SCUBE1: variants seen among roughly 807,000 people sequenced by gnomAD.
SCUBE1 encodes the protein signal peptide, CUB and EGF-like domain-containing protein 1.
Under a neutral mutation model 124.4 loss-of-function variants are expected in SCUBE1, and 59 were observed. The observed-to-expected ratio is 0.47, with a 90% confidence interval of 0.38 to 0.59. The LOEUF (loss-of-function observed/expected upper bound fraction) is 0.59. Among genes scored for constraint, SCUBE1 ranks in the 20% least tolerant of loss-of-function variants. The pLI, the probability that SCUBE1 is intolerant of heterozygous loss-of-function variation, is 0.00. For synonymous variants in SCUBE1, 545 were observed against 550.9 expected, an observed-to-expected ratio of 0.99 and a Z score of 0.15; for missense variants, 1,150 against 1,371.2, an observed-to-expected ratio of 0.84 and a Z score of 2.55.
Position 43,208,143 on chromosome 22 carries a change from A to G in SCUBE1, c.2663T>C (p.Leu888Pro), listed in dbSNP as rs1390976798. Residue 888 changes from leucine (L) to proline (P), a missense_variant, in exon 20 of 22, where the codon CTC becomes CCC. This residue lies in a region of SCUBE1 where 757 missense variants were observed against 840.9 expected (regional missense o/e 0.90). Transcript: ENST00000360835. ...TTCATTGGATTTGAACTGGATCCAGAGCTTGCGGGAGCGGGAGGTGAAGGC... is the reference window on the plus strand; with the variant it reads ...TTCATTGGATTTGAACTGGATCCAGGGCTTGCGGGAGCGGGAGGTGAAGGC... ...PIAFTSRSRK[L>P]WIQFKSNEGN... The G allele has an allele frequency of 6.2e-7, 1 of 1,613,902 alleles. No homozygotes were observed. The highest frequency in any genetic ancestry group is 1.7e-5 in the Admixed American group (1 of 59,996).
At chr22:43,218,212 A>G in intron 15 of SCUBE1, 43 bp downstream of exon 15, 1 of 1,589,038 alleles carries the variant, frequency 6.3e-7, no homozygotes, top group Non-Finnish European at 8.6e-7. Context: ...ATGTGCAAGG[A>G]AGGACAGAGT....
intron 14 of SCUBE1, among the ~76,000 whole-genome samples, chr22:43,218,982 C>T (rs1411718505): frequency 6.6e-6 from 1 of 152,254 alleles, no homozygotes; most frequent in African/African-American, 2.4e-5. Flanking sequence ...TATTCTATTC[C>T]CTCTGCCTGA....
At chr22:43,330,095 C>T (rs555216886) in intron 2 of SCUBE1, among the ~76,000 whole-genome samples, 2 of 151,848 alleles carry the variant, frequency 1.3e-5, no homozygotes, top group South Asian at 4.2e-4. Flanking sequence ...GATACTGGTG[C>T]AGCCTTCAAC....
chr22:43,288,405 C>G lies in SCUBE1; in HGVS notation c.484+2641G>C, dbSNP rs539996866. Among the ~76,000 whole-genome samples the G allele has an allele frequency of 3.3e-5, 5 of 152,332 alleles. No homozygotes were observed. In the East Asian group the frequency reaches 9.6e-4, roughly 29 times the overall value. ...TCACTTCCTACCTCTGCTCAACCAG[C>G]TTTCCCACAGCTGCCCTCCACCCAA... On this transcript the variant is annotated intron_variant, in intron 4 of 21. Transcript: ENST00000360835.
chr22:43,321,404 C>T (rs1185789850), intron 2 of SCUBE1, among the ~76,000 whole-genome samples: 1 of 152,196 alleles, frequency 6.6e-6, no homozygotes, highest in Non-Finnish European at 1.5e-5. Flanking sequence ...AATGAACGTT[C>T]AGGGGTAGGA....
At position 43,258,364 on chromosome 22, in the gene SCUBE1, T is replaced by G. The variant is rs1601835537; in HGVS notation, c.611-29A>C. 1 of 1,504,000 alleles carries G rather than the reference T, an allele frequency of 6.6e-7. No homozygotes were observed. Among genetic ancestry groups the G allele is most frequent in the Non-Finnish European group, 9.3e-7 (1 of 1,079,702 alleles). The allele number at this position is 1,504,000 out of a possible 1,614,324, so 93.2% of individuals were successfully genotyped here. A position where few individuals can be genotyped will look rare whatever the true frequency, so the allele number is the denominator to read the frequency against. The stretch of plus-strand genomic sequence containing the variant: ...GTTAGGCCCAAAGTGTACACACGGG[T>G]GTATAAACAGAACAACAAAAACGGT... On this transcript the variant is annotated intron_variant, in intron 5 of 21. Transcript: ENST00000360835. The surrounding 1 kb of genome is among the most constrained non-coding windows in gnomAD (Gnocchi z 5.0).
Position 43,223,080 on chromosome 22 carries a change from G to T in SCUBE1, c.1327+17C>A. On this transcript the variant is annotated intron_variant, in intron 11 of 21. Transcript: ENST00000360835. ...CCCCCTGCCACAGCATCCCATCTCAGGGACGGCCCGGGTTACCTGGCACGA... is the reference window on the plus strand; with the variant it reads ...CCCCCTGCCACAGCATCCCATCTCATGGACGGCCCGGGTTACCTGGCACGA... 1 of 1,519,266 alleles carries T rather than the reference G, an allele frequency of 6.6e-7. No individual in the cohort carries two copies. Among genetic ancestry groups the T allele is most frequent in the Non-Finnish European group, 8.8e-7 (1 of 1,136,472 alleles). 94.1% of individuals were successfully genotyped at this position (1,519,266 alleles called of 1,614,324 possible).
intron 4 of SCUBE1, chr22:43,272,375 C>T (rs1473578419): frequency 6.6e-6 from 1 of 152,234 alleles, no homozygotes; most frequent in Non-Finnish European, 1.5e-5. Context: ...TGCCAGGCCC[C>T]AGAGGACTAG....
intron 6 of SCUBE1, among the ~76,000 whole-genome samples, chr22:43,249,753 C>A (rs545861448): frequency 2.6e-5 from 4 of 152,262 alleles, no homozygotes; most frequent in Non-Finnish European, 4.4e-5. Context: ...TCTCCCCCTG[C>A]CAGCAGGACA....
At chr22:43,322,303 G>C (rs928951398) in intron 2 of SCUBE1, among the ~76,000 whole-genome samples, 1 of 152,126 alleles carries the variant, frequency 6.6e-6, no homozygotes, top group Admixed American at 6.6e-5. Flanking sequence ...AAAACTGAGA[G>C]ATACTGATTA....
Position 43,214,183 on chromosome 22 carries a change from A to G in SCUBE1, c.1960T>C (p.Tyr654His), listed in dbSNP as rs765498152. 11 of 1,612,982 alleles carry G rather than the reference A, an allele frequency of 6.8e-6. No individual in the cohort carries two copies. Among genetic ancestry groups the G allele is most frequent in the Non-Finnish European group, 9.3e-6 (11 of 1,179,944 alleles). The part of the protein sequence containing the change: ...GQCVSCMPGT[Y>H]QDMEGQLSCT... ...CTGAGCTGGCCTTCCATGTCCTGGT[A>G]TGTTCCTGGCATACATGACACACAC... The change falls in exon 16 of 22, where the codon TAC becomes CAC. Residue 654 changes from tyrosine (Y) to histidine (H), a missense_variant. By Grantham distance (83) the Tyr-to-His change is moderately conservative. Coordinates refer to ENST00000360835, the MANE Select transcript of SCUBE1 (RefSeq NM_173050.5).
intron 6 of SCUBE1, among the ~76,000 whole-genome samples, chr22:43,257,515 G>A (rs1923704801): frequency 6.6e-6 from 1 of 152,218 alleles, no homozygotes; most frequent in African/African-American, 2.4e-5. Flanking sequence ...TAGGGACCAG[G>A]AGGAAGGAGG....
Position 43,234,717 on chromosome 22 carries a change from C to T in SCUBE1, c.845-2842G>A, listed in dbSNP as rs542014201. Among the ~76,000 whole-genome samples the T allele has an allele frequency of 6.6e-6, 1 of 152,188 alleles. No homozygotes were observed. Among genetic ancestry groups the T allele is most frequent in the Non-Finnish European group, 1.5e-5 (1 of 68,026 alleles). ...TCCCACCCCACCGCCCCACACCAGGCAGCCAGCACCACCTTCCGCACACAA... is the reference window on the plus strand; with the variant it reads ...TCCCACCCCACCGCCCCACACCAGGTAGCCAGCACCACCTTCCGCACACAA... On this transcript the variant is annotated intron_variant, in intron 7 of 21. Coordinates refer to ENST00000360835, the MANE Select transcript of SCUBE1 (RefSeq NM_173050.5). The surrounding 1 kb of genome is among the most constrained non-coding windows in gnomAD (Gnocchi z 4.4).
chr22:43,273,586 G>C (rs1173902596), intron 4 of SCUBE1, among the ~76,000 whole-genome samples: 2 of 5,438 alleles, frequency 3.7e-4, no homozygotes, highest in South Asian at 3.1e-3. Flanking sequence ...TTTTTTTTTT[G>C]AGACAGAGTC....
intron 15 of SCUBE1, among the ~76,000 whole-genome samples, chr22:43,215,070 T>C (rs1921751106): frequency 6.6e-6 from 1 of 152,190 alleles, no homozygotes; most frequent in Non-Finnish European, 1.5e-5. Flanking sequence ...GAGGCAGTGG[T>C]ACTCCAGGAG....
At chr22:43,320,224 G>A (rs914692761) in intron 2 of SCUBE1, among the ~76,000 whole-genome samples, 159 bp from the exon 3 acceptor site, 1 of 152,172 alleles carries the variant, frequency 6.6e-6, no homozygotes, top group Non-Finnish European at 1.5e-5. Context: ...TTATAAAAAT[G>A]CTAATCATGT....
At chr22:43,240,609 TG>T (rs1271386507) in intron 6 of SCUBE1, among the ~76,000 whole-genome samples, 16 of 152,168 alleles carry the variant, frequency 1.1e-4, no homozygotes, top group Admixed American at 4.6e-4. Flanking sequence ...GCCAACCCCT[TG>T]GGGCTGCACC....
chr22:43,291,958 C>T (rs1348360484), intron 3 of SCUBE1, among the ~76,000 whole-genome samples: 1 of 151,872 alleles, frequency 6.6e-6, no homozygotes, highest in African/African-American at 2.4e-5. Flanking sequence ...GTGGTCTGAC[C>T]CTGAAACCTC....
chr22:43,249,885 C>T (rs114190611), intron 6 of SCUBE1, among the ~76,000 whole-genome samples: 188 of 152,252 alleles, frequency 1.2e-3, no homozygotes, highest in African/African-American at 4.2e-3. Context: ...CCAGGGGAAG[C>T]CTGGGACTCC....
Sources: allele counts gnomAD v4.1 joint callset (sites outside exome capture counted in the v4.1 genomes callset), GRCh38; gene constraint gnomAD v4.1.1; regional missense constraint gnomAD v4.1.1; non-coding constraint Gnocchi (gnomAD v3.1); transcripts MANE v1.5; gene names NCBI Gene and HGNC (gene_info 2026-07-23, HGNC 2026-07-21).